Variants in NADK2 observed in about 807,000 individuals in gnomAD.
The protein encoded by NADK2 is NAD kinase 2, mitochondrial.
Under a neutral mutation model 62.1 loss-of-function variants are expected in NADK2, and 35 were observed. That is an observed-to-expected ratio of 0.56 (90% CI 0.43 to 0.75). NADK2 has a LOEUF of 0.75. Ranked by LOEUF, NADK2 falls within the 30% of genes least tolerant of loss-of-function variation. NADK2 has a pLI of 0.00. For missense variants in NADK2, 439 were observed against 561.3 expected (o/e 0.78, Z 2.20); for synonymous variants, 205 against 207.9 (o/e 0.99, Z 0.12).
chr5:36,241,262 T>C lies in NADK2; in HGVS notation c.300+237A>G. 3 of 728,906 alleles carry C rather than the reference T, an allele frequency of 4.1e-6. No individual in the cohort carries two copies. The highest frequency in any genetic ancestry group is 5.7e-6 in the Non-Finnish European group (3 of 525,228). The allele number at this position is 728,906 out of a possible 1,614,324, so 45.2% of individuals were successfully genotyped here. On this transcript the variant is annotated intron_variant, in intron 1 of 11. Coordinates refer to ENST00000381937, the MANE Select transcript of NADK2 (RefSeq NM_001085411.3). This position sits in a 1 kb window ranked among gnomAD's most constrained non-coding sequence, Gnocchi z 4.9. ...CGCCCCTGCCTCCTAAGTCCCTGCATGAACCACTGTCCCTCTCTCTCCCCC... is the reference window on the plus strand; with the variant it reads ...CGCCCCTGCCTCCTAAGTCCCTGCACGAACCACTGTCCCTCTCTCTCCCCC...
At chr5:36,236,242 T>A (rs529051164) in intron 1 of NADK2, among the ~76,000 whole-genome samples, 1 of 152,340 alleles carries the variant, frequency 6.6e-6, no homozygotes, top group African/African-American at 2.4e-5. Context: ...GGTCAATGAT[T>A]CTCTAATGGT....
At chr5:36,212,562 T>G (rs1482760253) in intron 6 of NADK2, among the ~76,000 whole-genome samples, 1 of 152,206 alleles carries the variant, frequency 6.6e-6, no homozygotes, top group Non-Finnish European at 1.5e-5. Flanking sequence ...TTCCCAGTGC[T>G]TTCTTGTTCA....
chr5:36,226,604 T>C, intron 2 of NADK2, 41 bp from the exon 3 acceptor site: 2 of 1,359,210 alleles, frequency 1.5e-6, no homozygotes, highest in South Asian at 1.2e-5. Context: ...TTTCCACTAA[T>C]AATATATATA....
At chr5:36,215,056 T>C (rs571387658) in intron 6 of NADK2, among the ~76,000 whole-genome samples, 1 of 152,278 alleles carries the variant, frequency 6.6e-6, no homozygotes, top group African/African-American at 2.4e-5. Context: ...ATGAGGGATG[T>C]GAACATCCTC....
intron 1 of NADK2, among the ~76,000 whole-genome samples, chr5:36,235,885 A>C (rs1179354404): frequency 5.8e-5 from 1 of 17,180 alleles, no homozygotes; most frequent in Non-Finnish European, 3.8e-4. Flanking sequence ...ATTATGAAGA[A>C]AATATATATA....
chr5:36,206,490 A>T (rs1405573548), intron 8 of NADK2, among the ~76,000 whole-genome samples: 1 of 151,674 alleles, frequency 6.6e-6, no homozygotes, highest in Non-Finnish European at 1.5e-5. Context: ...AGAGACTGGG[A>T]TATATAGAGG....
intron 6 of NADK2, 67 bp downstream of exon 6, chr5:36,217,681 A>C: frequency 1.3e-6 from 2 of 1,589,528 alleles, no homozygotes; most frequent in Non-Finnish European, 8.6e-7. Flanking sequence ...TACATCAAAA[A>C]ATTTGAGGTC....
At chr5:36,195,317 A>C in intron 11 of NADK2, 35 bp from the exon 12 acceptor site, 1 of 1,561,070 alleles carries the variant, frequency 6.4e-7, no homozygotes, top group South Asian at 1.2e-5. Flanking sequence ...AAATAGTAAT[A>C]GTTTTCTTAA....
chr5:36,241,484 C>A lies in NADK2; in HGVS notation c.300+15G>T. On this transcript the variant is annotated intron_variant, in intron 1 of 11. Coordinates refer to ENST00000381937, the MANE Select transcript of NADK2 (RefSeq NM_001085411.3). This position sits in a 1 kb window ranked among gnomAD's most constrained non-coding sequence, Gnocchi z 4.9. ...GCCGAGCCCGGGAGCGAAGCGGGGC[C>A]GAGCCAGGACCCACCAGCTGCTTCA... is the stretch of plus-strand genomic sequence containing the variant. 1 of 1,522,956 alleles carries A rather than the reference C, an allele frequency of 6.6e-7. No homozygotes were observed. Among genetic ancestry groups the A allele is most frequent in the African/African-American group, 1.4e-5 (1 of 70,148 alleles). 94.3% of individuals were successfully genotyped at this position (1,522,956 alleles called of 1,614,324 possible).
intron 4 of NADK2, among the ~76,000 whole-genome samples, chr5:36,220,362 G>A (rs560030596): frequency 1.3e-5 from 2 of 152,270 alleles, no homozygotes; most frequent in South Asian, 4.1e-4. Flanking sequence ...ATTGCCTATT[G>A]GTTGGTGTAG....
intron 7 of NADK2, among the ~76,000 whole-genome samples, chr5:36,210,197 T>C (rs997239954): frequency 3.3e-5 from 5 of 152,170 alleles, no homozygotes; most frequent in Admixed American, 2.6e-4. Flanking sequence ...CTTAATTTAC[T>C]TACATCTACA....
rs777014368 is a variant in NADK2, at chr5:36,211,831, G to A, written c.860+13C>T. On this transcript the variant is annotated intron_variant, in intron 7 of 11. Coordinates refer to ENST00000381937, the MANE Select transcript of NADK2 (RefSeq NM_001085411.3). Reference sequence around the variant, plus strand: ...ATTAAATTCCATGCTCAAGATCACAGGTTTAAAAGTACCTGGATGACAGAC... The same window carrying A: ...ATTAAATTCCATGCTCAAGATCACAAGTTTAAAAGTACCTGGATGACAGAC... The A allele has an allele frequency of 2.5e-6, 4 of 1,604,260 alleles. No homozygotes were observed. Among genetic ancestry groups the A allele is most frequent in the Non-Finnish European group, 3.4e-6 (4 of 1,172,858 alleles).
At chr5:36,236,700 T>C (rs1186817874) in intron 1 of NADK2, among the ~76,000 whole-genome samples, 2 of 152,046 alleles carry the variant, frequency 1.3e-5, no homozygotes, top group African/African-American at 4.8e-5. Flanking sequence ...ATAAAGGAGA[T>C]GCAATTCTTG....
At chr5:36,195,811 C>T (rs1746210154) in intron 11 of NADK2, among the ~76,000 whole-genome samples, 1 of 152,192 alleles carries the variant, frequency 6.6e-6, no homozygotes, top group African/African-American at 2.4e-5. Flanking sequence ...CCTGCTCCCT[C>T]CTCAAGCATA....
At chr5:36,229,709 C>T (rs1747633897) in intron 1 of NADK2, among the ~76,000 whole-genome samples, 1 of 151,458 alleles carries the variant, frequency 6.6e-6, no homozygotes, top group Non-Finnish European at 1.5e-5. Flanking sequence ...GCCTCAAATA[C>T]ATTTATTCAA....
At chr5:36,232,405 C>T (rs1286397121) in intron 1 of NADK2, among the ~76,000 whole-genome samples, 1 of 152,126 alleles carries the variant, frequency 6.6e-6, no homozygotes, top group Non-Finnish European at 1.5e-5. Flanking sequence ...GAGACAATGA[C>T]AGTTCAGTAT....
chr5:36,202,863 T>C (rs1313395507), intron 8 of NADK2, among the ~76,000 whole-genome samples: 4 of 152,070 alleles, frequency 2.6e-5, no homozygotes, highest in African/African-American at 7.2e-5. Flanking sequence ...CTGCAGACTT[T>C]ACAAGAACAA....
intron 3 of NADK2, among the ~76,000 whole-genome samples, 158 bp downstream of exon 3, chr5:36,226,317 T>C (rs1310549179): frequency 6.6e-6 from 1 of 152,220 alleles, no homozygotes; most frequent in Non-Finnish European, 1.5e-5. Context: ...TGTAGCCTTG[T>C]ATAAAACAGA....
chr5:36,241,860 G>T lies in NADK2; in HGVS notation c.-62C>A. On this transcript the variant is annotated 5_prime_UTR_variant, in exon 1 of 12. Coordinates refer to ENST00000381937, the MANE Select transcript of NADK2 (RefSeq NM_001085411.3). The surrounding 1 kb of genome is among the most constrained non-coding windows in gnomAD (Gnocchi z 4.9). ...CCCCTTGCCTCAGCTCCCTACCGCC[G>T]GGAGTGCGCGCCGTCCGCGCCGCCC... 8.6e-7 allele frequency: 1 copy of T among 1,163,898 alleles called. No homozygotes were observed. The highest frequency in any genetic ancestry group is 1.1e-6 in the Non-Finnish European group (1 of 941,106). 72.1% of individuals were successfully genotyped at this position (1,163,898 alleles called of 1,614,324 possible). A position where few individuals can be genotyped will look rare whatever the true frequency, so the allele number is the denominator to read the frequency against.
Sources: allele counts gnomAD v4.1 joint callset (sites outside exome capture counted in the v4.1 genomes callset), GRCh38; gene constraint gnomAD v4.1.1; non-coding constraint Gnocchi (gnomAD v3.1); transcripts MANE v1.5; gene names NCBI Gene and HGNC (gene_info 2026-07-23, HGNC 2026-07-21).